Variants in MYLK observed in about 807,000 individuals in gnomAD.
MYLK encodes myosin light chain kinase, smooth muscle.
In MYLK, 106 loss-of-function variants were observed where a neutral mutation model predicts 203.4. That is an observed-to-expected ratio of 0.52 (90% CI 0.45 to 0.61). MYLK has a LOEUF of 0.61. Among genes scored for constraint, MYLK ranks in the 20% least tolerant of loss-of-function variants. The pLI, the probability that MYLK is intolerant of heterozygous loss-of-function variation, is 0.00. For missense variants in MYLK, 2,072 were observed against 2,442.3 expected, an observed-to-expected ratio of 0.85 and a Z score of 3.20; for synonymous variants, 867 against 959.5, an observed-to-expected ratio of 0.90 and a Z score of 1.78.
intron 22 of MYLK, among the ~76,000 whole-genome samples, chr3:123,665,294 G>C (rs192637533): frequency 6.6e-6 from 1 of 152,348 alleles, no homozygotes; most frequent in African/African-American, 2.4e-5. Flanking sequence ...AGAAAGTTCT[G>C]AAGGACAGAG....
chr3:123,854,788 T>C (rs990591021), intron 2 of MYLK, among the ~76,000 whole-genome samples: 1 of 152,200 alleles, frequency 6.6e-6, no homozygotes, highest in Non-Finnish European at 1.5e-5. Context: ...TCAAAATATA[T>C]CCTTTAATAG....
intron 2 of MYLK, among the ~76,000 whole-genome samples, chr3:123,854,776 A>C (rs1208945203): frequency 2.0e-5 from 3 of 152,228 alleles, no homozygotes; most frequent in South Asian, 2.1e-4. Context: ...AGAAACAAAC[A>C]CTCAAAATAT....
At chr3:123,741,208 G>A (rs543722065) in intron 5 of MYLK, among the ~76,000 whole-genome samples, 4 of 152,158 alleles carry the variant, frequency 2.6e-5, no homozygotes, top group South Asian at 2.1e-4. Context: ...TTATATGACT[G>A]TGTAAGAACA....
chr3:123,854,751 A>G (rs2031196894), intron 2 of MYLK, among the ~76,000 whole-genome samples: 1 of 152,190 alleles, frequency 6.6e-6, no homozygotes, highest in African/African-American at 2.4e-5. Flanking sequence ...TCTAAAATAG[A>G]AATGGGAATT....
intron 16 of MYLK, among the ~76,000 whole-genome samples, chr3:123,706,290 G>C (rs1196542696): frequency 6.6e-6 from 1 of 152,182 alleles, no homozygotes; most frequent in Non-Finnish European, 1.5e-5. Flanking sequence ...AACTGATTCA[G>C]GTATAAAGCA....
intron 13 of MYLK, among the ~76,000 whole-genome samples, chr3:123,710,692 C>T (rs1352466426): frequency 3.9e-5 from 6 of 152,200 alleles, no homozygotes; most frequent in Non-Finnish European, 8.8e-5. Flanking sequence ...ACATATACTT[C>T]CCTTAGGATC....
At chr3:123,646,520 T>A (rs1400990204) in intron 27 of MYLK, among the ~76,000 whole-genome samples, 3 of 152,190 alleles carry the variant, frequency 2.0e-5, no homozygotes, top group African/African-American at 7.2e-5. Flanking sequence ...TGTATGTGTG[T>A]GTGTGTGCAT....
chr3:123,620,103 T>TC, intron 32 of MYLK, 104 bp downstream of exon 32: 1 of 1,022,364 alleles, frequency 9.8e-7, no homozygotes, highest in Non-Finnish European at 1.5e-6. Context: ...GCAGGGAATA[T>TC]TAAAATAAAA....
chr3:123,778,013 C>A (rs2064141742), intron 4 of MYLK, among the ~76,000 whole-genome samples: 1 of 152,000 alleles, frequency 6.6e-6, no homozygotes, highest in African/African-American at 2.4e-5. Context: ...CTATTCTTAC[C>A]CCAGGTTTAT....
Position 123,732,993 on chromosome 3 carries a change from G to A in MYLK, c.1419C>T (p.Cys473=), listed in dbSNP as rs764259605. ...VYEDAGSHYL[C]LLKARTRDSG... Reference sequence around the variant, plus strand: ...TGTCCCTGGTCCGGGCTTTCAGCAGGCAGAGGTAATGGGAGCCAGCATCTT... The same window carrying A: ...TGTCCCTGGTCCGGGCTTTCAGCAGACAGAGGTAATGGGAGCCAGCATCTT... The change falls in exon 11 of 34, where the codon TGC becomes TGT. Residue 473 remains cysteine (C), a synonymous_variant. Transcript: ENST00000360304. The A allele has an allele frequency of 6.2e-7, 1 of 1,614,218 alleles. No individual in the cohort carries two copies. Among genetic ancestry groups the A allele is most frequent in the South Asian group, 1.1e-5 (1 of 91,080 alleles).
At chr3:123,639,055 C>T (rs772044145) in intron 28 of MYLK, 77 of 985,308 alleles carry the variant, frequency 7.8e-5, no homozygotes, top group East Asian at 3.4e-4. Flanking sequence ...TTGGTGGACA[C>T]GGTTGTTCCC....
intron 28 of MYLK, among the ~76,000 whole-genome samples, chr3:123,639,323 C>T (rs1230845991): frequency 2.0e-5 from 3 of 152,218 alleles, no homozygotes; most frequent in East Asian, 1.9e-4. Flanking sequence ...ATCGGAACCT[C>T]GCCCCTGCTT....
chr3:123,695,767 G>T (rs1278269372), intron 18 of MYLK, among the ~76,000 whole-genome samples: 1 of 152,176 alleles, frequency 6.6e-6, no homozygotes, highest in South Asian at 2.1e-4. Context: ...AATCCTCATT[G>T]TTAGACTCGG....
chr3:123,854,427 G>A (rs1168173610), intron 2 of MYLK, among the ~76,000 whole-genome samples: 1 of 151,912 alleles, frequency 6.6e-6, no homozygotes, highest in Non-Finnish European at 1.5e-5. Flanking sequence ...TTTTAATCAT[G>A]TTTTTCAAAC....
At chr3:123,854,910 C>T (rs1353968913) in intron 2 of MYLK, among the ~76,000 whole-genome samples, 2 of 152,116 alleles carry the variant, frequency 1.3e-5, no homozygotes, top group Non-Finnish European at 2.9e-5. Context: ...AAAAGTTACT[C>T]CTCTGTCTTC....
At chr3:123,775,866 C>A (rs887050496) in intron 4 of MYLK, among the ~76,000 whole-genome samples, 4 of 152,128 alleles carry the variant, frequency 2.6e-5, no homozygotes, top group African/African-American at 7.2e-5. Context: ...CACTGCCCAG[C>A]CTTTGGTTTT....
At chr3:123,742,644 T>C (rs1277516668) in intron 5 of MYLK, among the ~76,000 whole-genome samples, 2 of 152,180 alleles carry the variant, frequency 1.3e-5, no homozygotes, top group Non-Finnish European at 2.9e-5. Context: ...CATCACAAAA[T>C]ATCCGTGTAC....
At chr3:123,831,385 T>C (rs1442445922) in intron 3 of MYLK, 163 bp downstream of exon 3, 10 of 1,289,398 alleles carry the variant, frequency 7.8e-6, no homozygotes, top group Admixed American at 4.6e-5. Context: ...GCATACTGCC[T>C]TCACTCTTAC....
rs1205992647 is a variant in MYLK, at chr3:123,847,513, G to C, written c.-126-15843C>G. Among the ~76,000 whole-genome samples the C allele has an allele frequency of 3.3e-5, 5 of 152,084 alleles. No homozygotes were observed. The South Asian group carries it at 1.0e-3, about 32-fold the overall frequency. On this transcript the variant is annotated intron_variant, in intron 2 of 33. Transcript: ENST00000360304. Reference sequence around the variant, plus strand: ...TATTGAAAGCGAGCCTGATGTTACTGTGTATTGTTAAGGATTGTTTTTTGC... The same window carrying C: ...TATTGAAAGCGAGCCTGATGTTACTCTGTATTGTTAAGGATTGTTTTTTGC...
Sources: allele counts gnomAD v4.1 joint callset (sites outside exome capture counted in the v4.1 genomes callset), GRCh38; gene constraint gnomAD v4.1.1; transcripts MANE v1.5; gene names NCBI Gene and HGNC (gene_info 2026-07-23, HGNC 2026-07-21).